SERPINC1: variants seen among roughly 807,000 people sequenced by gnomAD.
SERPINC1 encodes serpin family C member 1, also known as antithrombin-III.
Under a neutral mutation model 43.4 loss-of-function variants are expected in SERPINC1, and 12 were observed. The ratio of observed to expected loss-of-function variants is 0.28; its 90% confidence interval spans 0.18 to 0.45. The LOEUF is 0.45. SERPINC1 is among the 20% of genes least tolerant of loss of function. SERPINC1 has a pLI of 1.00. For missense variants in SERPINC1, 423 were observed against 578.8 expected (o/e 0.73, Z 2.76); for synonymous variants, 210 against 218.9 (o/e 0.96, Z 0.36).
At chr1:173,905,861 T>C (rs1657480725) in intron 6 of SERPINC1, among the ~76,000 whole-genome samples, 1 of 152,222 alleles carries the variant, frequency 6.6e-6, no homozygotes. Flanking sequence ...ATCTCAGAAC[T>C]ACTCTACCTT....
At chr1:173,908,954 CAA>C (rs1657648996) in intron 5 of SERPINC1, among the ~76,000 whole-genome samples, 1 of 152,126 alleles carries the variant, frequency 6.6e-6, no homozygotes. Context: ...ATCACAAGGT[CAA>C]GAGTTCAAGA....
rs901655177 is a variant in SERPINC1 at position 173,907,609 on chromosome 1, G to T, written c.1154-95C>A. On this transcript the variant is annotated intron_variant, in intron 5 of 6. Coordinates refer to ENST00000367698, the MANE Select transcript of SERPINC1 (RefSeq NM_000488.4). ...AGTTTGGATTAAGAGATCCTTTGGG[G>T]CTTTTTGAAACATAAGAAGAAATCC... 4.6e-6 allele frequency: 4 copies of T among 872,186 alleles called. No homozygotes were observed. In the Admixed American group the frequency reaches 5.1e-5, roughly 11 times the overall value. The allele number at this position is 872,186 out of a possible 1,614,324, so 54.0% of individuals were successfully genotyped here.
chr1:173,903,830 T>A lies in SERPINC1; in HGVS notation c.*59A>T, dbSNP rs961575521. ...AATGTGAGATGGAAGTAGTTTGTAT[T>A]TATTTTTACTTCTGTTCACAAACCA... is the stretch of plus-strand genomic sequence containing the variant. On this transcript the variant is annotated 3_prime_UTR_variant, in exon 7 of 7. Coordinates refer to ENST00000367698, the MANE Select transcript of SERPINC1 (RefSeq NM_000488.4). 2 of 1,434,352 alleles carry A rather than the reference T, an allele frequency of 1.4e-6. No individual in the cohort carries two copies. Among genetic ancestry groups the A allele is most frequent in the African/African-American group, 2.8e-5 (2 of 71,266 alleles). The allele number at this position is 1,434,352 out of a possible 1,614,324, so 88.9% of individuals were successfully genotyped here. A position where few individuals can be genotyped will look rare whatever the true frequency, so the allele number is the denominator to read the frequency against.
intron 6 of SERPINC1, 127 bp downstream of exon 6, chr1:173,907,323 C>T: frequency 1.3e-6 from 1 of 772,436 alleles, no homozygotes; most frequent in Non-Finnish European, 2.4e-6. Flanking sequence ...TTGGAGAGGG[C>T]TGTATTATAG....
In SERPINC1 at chr1:173,915,125, G is replaced by C. The variant is rs1011207395; in HGVS notation, c.42-206C>G. 1.1e-5 allele frequency: 16 copies of C among 1,436,854 alleles called. No individual in the cohort carries two copies. In the Middle Eastern group the frequency reaches 1.0e-3, roughly 92 times the overall value. 89.0% of individuals were successfully genotyped at this position (1,436,854 alleles called of 1,614,324 possible). On this transcript the variant is annotated intron_variant, in intron 1 of 6. Transcript: ENST00000367698. ...GGGACAGTTCAGTTGCCTGGACGTG[G>C]TCATGTTGGAATTAGAATCATCTGA...
intron 3 of SERPINC1, 120 bp from the exon 4 acceptor site, chr1:173,911,011 A>C: frequency 8.4e-7 from 1 of 1,196,376 alleles, no homozygotes; most frequent in Non-Finnish European, 1.2e-6. Context: ...TTGATTAAGA[A>C]GCCATTGCTC....
Position 173,913,550 on chromosome 1 carries a change from C to T in SERPINC1, c.408+1003G>A, listed in dbSNP as rs138541182. On this transcript the variant is annotated intron_variant, in intron 2 of 6. Coordinates refer to ENST00000367698, the MANE Select transcript of SERPINC1 (RefSeq NM_000488.4). The stretch of plus-strand genomic sequence containing the variant: ...AGCACTTTGGGAAGCCAAGTCAGGC[C>T]GATCCCTTGAAGTCAAGAGTTTGAG... Among the ~76,000 whole-genome samples the T allele has an allele frequency of 1.1e-3, 165 of 152,230 alleles. 1 individual carries two copies. Among genetic ancestry groups the T allele is most frequent in the Middle Eastern group, 6.8e-3 (2 of 294 alleles).
At chr1:173,911,759 A>G in intron 3 of SERPINC1, 40 bp downstream of exon 3, 1 of 1,464,960 alleles carries the variant, frequency 6.8e-7, no homozygotes, top group Non-Finnish European at 9.6e-7. Context: ...CTGAGTGGAG[A>G]GGAAGAACTC....
chr1:173,917,071 G>A, intron 1 of SERPINC1, 148 bp downstream of exon 1: 1 of 740,464 alleles, frequency 1.4e-6, no homozygotes, highest in Non-Finnish European at 2.4e-6. Flanking sequence ...GAGAGCACTT[G>A]AAATGACGTC....
Position 173,904,075 on chromosome 1 carries a change from A to T in SERPINC1, c.1219-10T>A. ...TGCCTTCTTCATTTACCTGCAGGTC[A>T]CATGGGAAATAAAACTAAATTAGCC... On this transcript the variant is annotated splice_polypyrimidine_tract_variant and intron_variant, in intron 6 of 6. Coordinates refer to ENST00000367698, the MANE Select transcript of SERPINC1 (RefSeq NM_000488.4). 3 of 1,614,064 alleles carry T rather than the reference A, an allele frequency of 1.9e-6. No individual in the cohort carries two copies. Among genetic ancestry groups the T allele is most frequent in the South Asian group, 2.2e-5 (2 of 91,090 alleles).
intron 5 of SERPINC1, 136 bp from the exon 6 acceptor site, chr1:173,907,650 T>G: frequency 1.3e-6 from 1 of 758,090 alleles, no homozygotes; most frequent in Non-Finnish European, 2.4e-6. Flanking sequence ...CTTCACCTAA[T>G]CATACTCTCA....
At chr1:173,912,572 G>C (rs1163977084) in intron 2 of SERPINC1, among the ~76,000 whole-genome samples, 3 of 152,158 alleles carry the variant, frequency 2.0e-5, no homozygotes, top group Non-Finnish European at 4.4e-5. Flanking sequence ...AGGCAAAATG[G>C]GTGAGGCTGT....
intron 4 of SERPINC1, among the ~76,000 whole-genome samples, chr1:173,910,202 T>C (rs936279208): frequency 3.3e-5 from 5 of 152,120 alleles, no homozygotes; most frequent in Non-Finnish European, 7.3e-5. Flanking sequence ...CCAGACCAAA[T>C]GTAATGCTAT....
Position 173,912,163 on chromosome 1 carries a change from C to A in SERPINC1, c.409-149G>T, listed in dbSNP as rs1657798255. 5.7e-6 allele frequency: 4 copies of A among 696,224 alleles called. No individual in the cohort carries two copies. The South Asian group carries it at 6.2e-5, about 11-fold the overall frequency. 43.1% of individuals were successfully genotyped at this position (696,224 alleles called of 1,614,324 possible). On this transcript the variant is annotated intron_variant, in intron 2 of 6. Coordinates refer to ENST00000367698, the MANE Select transcript of SERPINC1 (RefSeq NM_000488.4). ...TACCTGGGACAGCATAAATGCTCAACTCTTGTGTTCTGATGAATAAAAGGA... is the reference window on the plus strand; with the variant it reads ...TACCTGGGACAGCATAAATGCTCAAATCTTGTGTTCTGATGAATAAAAGGA...
intron 1 of SERPINC1, among the ~76,000 whole-genome samples, chr1:173,916,042 T>C (rs1021210029): frequency 1.3e-5 from 2 of 152,230 alleles, no homozygotes; most frequent in African/African-American, 2.4e-5. Flanking sequence ...TTGCCACTGC[T>C]TTAGTTCAGG....
chr1:173,915,995 G>GTCAA (rs1657973239), intron 1 of SERPINC1, among the ~76,000 whole-genome samples: 1 of 152,140 alleles, frequency 6.6e-6, no homozygotes, highest in Admixed American at 6.6e-5. Flanking sequence ...TCACCCCAGA[G>GTCAA]TCAATCAGTT....
chr1:173,911,362 A>G (rs1000949668), intron 3 of SERPINC1, among the ~76,000 whole-genome samples: 8 of 152,258 alleles, frequency 5.3e-5, no homozygotes, highest in African/African-American at 1.7e-4. Context: ...GATTGAATAA[A>G]GCCAACAGAT....
chr1:173,904,244 T>C (rs1344675305), intron 6 of SERPINC1, among the ~76,000 whole-genome samples, 179 bp from the exon 7 acceptor site: 1 of 152,250 alleles, frequency 6.6e-6, no homozygotes, highest in African/African-American at 2.4e-5. Flanking sequence ...ATGCAGAGAA[T>C]GTAAGGTACT....
chr1:173,908,346 C>T (rs1167075472), intron 5 of SERPINC1, among the ~76,000 whole-genome samples: 2 of 151,454 alleles, frequency 1.3e-5, no homozygotes, highest in Non-Finnish European at 2.9e-5. Flanking sequence ...AAAAATTAGC[C>T]GGGCGTGGTG....
Sources: allele counts gnomAD v4.1 joint callset (sites outside exome capture counted in the v4.1 genomes callset), GRCh38; gene constraint gnomAD v4.1.1; transcripts MANE v1.5; gene names NCBI Gene and HGNC (gene_info 2026-07-23, HGNC 2026-07-21).